The following CELF2 variants were observed in gnomAD, a reference collection of about 807,000 sequenced individuals.
The protein encoded by CELF2 is CUGBP Elav-like family member 2, also known as CUG triplet repeat RNA-binding protein 2.
A neutral mutation model predicts 62.6 loss-of-function variants in CELF2; 8 were observed. The ratio of observed to expected loss-of-function variants is 0.13; its 90% confidence interval spans 0.07 to 0.23. The LOEUF (loss-of-function observed/expected upper bound fraction) is 0.23, where lower values mean the gene tolerates loss of function less well. Ranked by LOEUF, CELF2 falls within the 10% of genes least tolerant of loss-of-function variation. CELF2 has a pLI of 1.00. For synonymous variants in CELF2, 258 were observed against 250.0 expected (o/e 1.03, Z -0.30); for missense variants, 333 against 671.0 (o/e 0.50, Z 5.56).
At chr10:11,195,078 C>T (rs1450980529) in intron 2 of CELF2, among the ~76,000 whole-genome samples, 1 of 152,170 alleles carries the variant, frequency 6.6e-6, no homozygotes, top group African/African-American at 2.4e-5. Flanking sequence ...TCTGAATGCC[C>T]TTTTGGAAGC....
chr10:10,876,863 G>A (rs1052300186), intron 1 of CELF2, among the ~76,000 whole-genome samples: 1 of 152,244 alleles, frequency 6.6e-6, no homozygotes, highest in African/African-American at 2.4e-5. Context: ...CATGCAATGT[G>A]TGTGTGGTCT....
intron 5 of CELF2, 26 bp from the exon 6 acceptor site, chr10:11,266,572 G>C: frequency 6.2e-7 from 1 of 1,601,196 alleles, no homozygotes; most frequent in Non-Finnish European, 8.6e-7. Flanking sequence ...TGTCTTTCCT[G>C]CTCCCTGTCC....
At chr10:11,201,831 C>T (rs937061997) in intron 2 of CELF2, among the ~76,000 whole-genome samples, 1 of 152,184 alleles carries the variant, frequency 6.6e-6, no homozygotes, top group African/African-American at 2.4e-5. Flanking sequence ...AGGCAATTAT[C>T]ATCTTCAGGA....
intron 2 of CELF2, among the ~76,000 whole-genome samples, chr10:10,979,243 C>T (rs948878321): frequency 6.6e-6 from 1 of 152,162 alleles, no homozygotes; most frequent in Admixed American, 6.6e-5. Context: ...CAGGCCTGTG[C>T]CTTCTAACCA....
chr10:11,148,552 G>A (rs1485104754), intron 1 of CELF2, among the ~76,000 whole-genome samples: 1 of 152,166 alleles, frequency 6.6e-6, no homozygotes, highest in Non-Finnish European at 1.5e-5. Flanking sequence ...CTGTCTGCTG[G>A]CAAGGCGATC....
intron 3 of CELF2, among the ~76,000 whole-genome samples, chr10:11,228,934 T>TC (rs2067599181): frequency 6.6e-6 from 1 of 152,222 alleles, no homozygotes. Flanking sequence ...CAGTCGGTTC[T>TC]GGTTTCTTTG....
Position 11,257,793 on chromosome 10 carries a change from C to T in CELF2, c.459C>T (p.Asn153=), listed in dbSNP as rs555035980. Reference sequence around the variant, plus strand: ...TGGTATCGAAGAAATGTAATGAGAACGACATCAGGGTGATGTTCTCTCCAT... The same window carrying T: ...TGGTATCGAAGAAATGTAATGAGAATGACATCAGGGTGATGTTCTCTCCAT... ...IGMVSKKCNE[N]DIRVMFSPFG... The change falls in exon 5 of 13, where the codon AAC becomes AAT. Residue 153 remains asparagine (N), a synonymous_variant. Coordinates refer to ENST00000633077, the MANE Select transcript of CELF2 (RefSeq NM_001326342.2). 5.6e-6 allele frequency: 9 copies of T among 1,613,710 alleles called. No individual in the cohort carries two copies. The East Asian group carries it at 6.7e-5, about 12-fold the overall frequency.
chr10:10,710,921 T>C, the CELF2 span, among the ~76,000 whole-genome samples: 3 of 152,220 alleles, frequency 2.0e-5, no homozygotes, highest in Non-Finnish European at 2.9e-5. Context: ...CATTTTAAAA[T>C]TAAGGTGAGT....
the CELF2 span, among the ~76,000 whole-genome samples, chr10:10,658,536 GCATCCCTCTTCT>G: frequency 1.3e-5 from 2 of 152,066 alleles, no homozygotes. Context: ...ACAACCTCCT[GCATCCCTCTTCT>G]AGGAAACCAA....
At chr10:10,781,225 A>C in the CELF2 span, among the ~76,000 whole-genome samples, 1 of 152,230 alleles carries the variant, frequency 6.6e-6, no homozygotes, top group South Asian at 2.1e-4. Flanking sequence ...TTATAATGCC[A>C]TATTTTTACC....
the CELF2 span, among the ~76,000 whole-genome samples, chr10:10,599,705 C>G: frequency 6.7e-6 from 1 of 149,958 alleles, no homozygotes; most frequent in African/African-American, 2.4e-5. Context: ...ATTGTTTCGT[C>G]TCTGCCCTTT....
intron 1 of CELF2, among the ~76,000 whole-genome samples, chr10:11,134,600 C>G (rs1341398363): frequency 6.6e-6 from 1 of 152,196 alleles, no homozygotes. Flanking sequence ...GAGCCACAGA[C>G]TGTGTGCCTC....
Position 11,029,162 on chromosome 10 carries a change from G to GGT in CELF2, c.74+11001_74+11002dup, listed in dbSNP as rs1239197835. ...GGGGAAATGACCTAGACAAGGAATTGGTGATTTTTGCCTTATGTGGTGGTG... is the reference window on the plus strand; with the variant it reads ...GGGGAAATGACCTAGACAAGGAATTGGTGTGATTTTTGCCTTATGTGGTGGTG... On this transcript the variant is annotated intron_variant, in intron 1 of 12. Transcript: ENST00000633077. Among the ~76,000 whole-genome samples the GGT allele has an allele frequency of 2.6e-5, 4 of 152,288 alleles. No homozygotes were observed. In the East Asian group the frequency reaches 7.7e-4, roughly 29 times the overall value.
At chr10:11,134,278 T>C (rs1040391940) in intron 1 of CELF2, among the ~76,000 whole-genome samples, 15 of 152,162 alleles carry the variant, frequency 9.9e-5, no homozygotes, top group African/African-American at 3.6e-4. Context: ...CCTCTCCCCG[T>C]GTTTTGTGAA....
intron 2 of CELF2, among the ~76,000 whole-genome samples, chr10:11,166,568 TTCTCTGTTGTTGATC>T (rs2067258320): frequency 6.6e-6 from 1 of 152,230 alleles, no homozygotes; most frequent in South Asian, 2.1e-4. Flanking sequence ...TTTTTCTTCT[TTCTCTGTTGTTGATC>T]TCTCAGTCTC....
chr10:10,503,101 G>T, the CELF2 span, among the ~76,000 whole-genome samples: 1 of 151,906 alleles, frequency 6.6e-6, no homozygotes, highest in African/African-American at 2.4e-5. Flanking sequence ...CATGACGCAT[G>T]ATTTCTGTTT....
intron 1 of CELF2, among the ~76,000 whole-genome samples, chr10:11,118,281 T>C (rs2056999836): frequency 6.6e-6 from 1 of 152,064 alleles, no homozygotes; most frequent in Non-Finnish European, 1.5e-5. Context: ...TGGTGTACTG[T>C]TTTCAATAGG....
chr10:10,699,826 G>C, the CELF2 span, among the ~76,000 whole-genome samples: 1 of 152,218 alleles, frequency 6.6e-6, no homozygotes, highest in African/African-American at 2.4e-5. Context: ...GAAGAGATTT[G>C]TGTTTCCTGA....
At chr10:10,637,880 CTGA>C in the CELF2 span, among the ~76,000 whole-genome samples, 2 of 152,054 alleles carry the variant, frequency 1.3e-5, no homozygotes, top group African/African-American at 4.8e-5. Flanking sequence ...TTCTGAGGTC[CTGA>C]AGAACAAGCA....
Sources: allele counts gnomAD v4.1 joint callset (sites outside exome capture counted in the v4.1 genomes callset), GRCh38; gene constraint gnomAD v4.1.1; transcripts MANE v1.5; gene names NCBI Gene and HGNC (gene_info 2026-07-23, HGNC 2026-07-21).